Variants in KIAA0232 observed in about 807,000 individuals in gnomAD.
KIAA0232 encodes the protein KIAA0232.
Under a neutral mutation model 122.0 loss-of-function variants are expected in KIAA0232, and 27 were observed. The ratio of observed to expected loss-of-function variants is 0.22; its 90% CI spans 0.16 to 0.31. KIAA0232 has a LOEUF of 0.31. Among genes scored for constraint, KIAA0232 ranks in the 10% least tolerant of loss-of-function variants. The pLI, the probability that KIAA0232 is intolerant of heterozygous loss-of-function variation, is 1.00. For missense variants in KIAA0232, 1,551 were observed against 1,634.2 expected (o/e 0.95, Z 0.88); for synonymous variants, 613 against 587.6 (o/e 1.04, Z -0.63).
At chr4:6,793,359 C>G (rs1214382992) in intron 1 of KIAA0232, among the ~76,000 whole-genome samples, 1 of 152,122 alleles carries the variant, frequency 6.6e-6, no homozygotes, top group Non-Finnish European at 1.5e-5. Flanking sequence ...TACAGACTTT[C>G]AGAACATAGA....
At chr4:6,834,928 C>G (rs1225329756) in intron 3 of KIAA0232, among the ~76,000 whole-genome samples, 1 of 152,084 alleles carries the variant, frequency 6.6e-6, no homozygotes, top group Non-Finnish European at 1.5e-5. Context: ...GCCCAAGAAA[C>G]TGCCCCAAAA....
At position 6,824,536 on chromosome 4, in the gene KIAA0232, C is replaced by T; in HGVS notation, c.83C>T (p.Ser28Phe). Residue 28 changes from serine to phenylalanine, a missense_variant, in exon 3 of 10, where the codon TCT becomes TTT. Transcript: ENST00000307659. ...TCTTATCCAGGCCCTGTGTCTGTTT[C>T]TGAAATGTCTCTGCTTCATGCTTTG... is the stretch of plus-strand genomic sequence containing the variant. ...SSSYPGPVSV[S>F]EMSLLHALGP... 6.2e-7 allele frequency: 1 copy of T among 1,614,226 alleles called. No individual in the cohort carries two copies. Among genetic ancestry groups the T allele is most frequent in the Non-Finnish European group, 8.5e-7 (1 of 1,180,036 alleles).
At chr4:6,826,174 A>G (rs1370015046) in intron 3 of KIAA0232, among the ~76,000 whole-genome samples, 2 of 152,152 alleles carry the variant, frequency 1.3e-5, no homozygotes, top group Non-Finnish European at 2.9e-5. Flanking sequence ...GGGGTTTCTC[A>G]TCATGTCTAG....
chr4:6,809,996 C>T (rs1717803961), intron 2 of KIAA0232, among the ~76,000 whole-genome samples: 1 of 152,016 alleles, frequency 6.6e-6, no homozygotes, highest in Non-Finnish European at 1.5e-5. Context: ...TTAAAGTGAC[C>T]GTACTATCCA....
At chr4:6,789,654 C>G (rs1716800895) in intron 1 of KIAA0232, among the ~76,000 whole-genome samples, 1 of 152,142 alleles carries the variant, frequency 6.6e-6, no homozygotes, top group Non-Finnish European at 1.5e-5. Flanking sequence ...TAAACAGATT[C>G]ATGATGGTGG....
intron 1 of KIAA0232, among the ~76,000 whole-genome samples, chr4:6,797,424 G>A (rs1190248916): frequency 6.6e-6 from 1 of 152,154 alleles, no homozygotes; most frequent in Admixed American, 6.6e-5. Flanking sequence ...ACTTTAAGAA[G>A]GATATGATAT....
At position 6,821,253 on chromosome 4, in the gene KIAA0232, G is replaced by A. The variant is rs572375189; in HGVS notation, c.-269-2932G>A. ...ATTTTTTATTTCCATAGGTTTTTGG[G>A]GAACAGGTGATAGTTACATGAGTAA... On this transcript the variant is annotated intron_variant, in intron 2 of 9. Coordinates refer to ENST00000307659, the MANE Select transcript of KIAA0232 (RefSeq NM_014743.3). 1.1e-4 allele frequency among the ~76,000 whole-genome samples: 17 copies of A among 151,884 alleles called. No individual in the cohort carries two copies. In the South Asian group the frequency reaches 3.5e-3, roughly 32 times the overall value.
chr4:6,862,806 A>C lies in KIAA0232; in HGVS notation c.2424A>C (p.Thr808=), dbSNP rs267600214. 4 of 1,614,196 alleles carry C rather than the reference A, an allele frequency of 2.5e-6. 1 individual carries two copies. Among genetic ancestry groups the C allele is most frequent in the Non-Finnish European group, 3.4e-6 (4 of 1,180,038 alleles). Residue 808 remains threonine (T), a synonymous_variant, in exon 7 of 10, where the codon ACA becomes ACC. Coordinates refer to ENST00000307659, the MANE Select transcript of KIAA0232 (RefSeq NM_014743.3). ...CAGAAAACAAAAATTTTGAAACTAC[A>C]CAAGTATGTAATGAAAGTCCACATG... is the stretch of plus-strand genomic sequence containing the variant. ...QKTENKNFET[T]QVCNESPHGD... is the part of the protein sequence containing the mutation.
At chr4:6,864,291 T>C (rs1368204044) in intron 7 of KIAA0232, 108 bp downstream of exon 7, 1 of 1,204,198 alleles carries the variant, frequency 8.3e-7, no homozygotes, top group Non-Finnish European at 1.2e-6. Context: ...GGAAATTAGC[T>C]TAAATGTCTT....
chr4:6,860,933 A>C lies in KIAA0232; in HGVS notation c.551A>C (p.Lys184Thr). The stretch of plus-strand genomic sequence containing the variant: ...GAAGCATTTCCACCACTTTCTGAGA[A>C]ACCAGTTTGCCTGCAAGAAATCATG... ...YYEAFPPLSE[K>T]PVCLQEIMTV... Residue 184 changes from lysine to threonine, a missense_variant, in exon 7 of 10, where the codon AAA becomes ACA. This residue lies in a region of KIAA0232 where 377 missense variants were observed against 381.7 expected (regional missense o/e 0.99). Transcript: ENST00000307659. 4 of 1,613,978 alleles carry C rather than the reference A, an allele frequency of 2.5e-6. No individual in the cohort carries two copies. Among genetic ancestry groups the C allele is most frequent in the Non-Finnish European group, 2.5e-6 (3 of 1,179,936 alleles).
At chr4:6,808,826 GTAGT>G (rs1717751431) in intron 2 of KIAA0232, among the ~76,000 whole-genome samples, 1 of 152,188 alleles carries the variant, frequency 6.6e-6, no homozygotes, top group Non-Finnish European at 1.5e-5. Context: ...GATTTGGGAA[GTAGT>G]TAGTTCAGCA....
chr4:6,819,249 G>A (rs1164825028), intron 2 of KIAA0232, among the ~76,000 whole-genome samples: 2 of 152,134 alleles, frequency 1.3e-5, no homozygotes, highest in East Asian at 1.9e-4. Flanking sequence ...AAGAGCTTAT[G>A]TACAGCAAAA....
intron 8 of KIAA0232, among the ~76,000 whole-genome samples, chr4:6,874,990 C>T (rs1467278957): frequency 6.6e-6 from 1 of 152,170 alleles, no homozygotes; most frequent in Admixed American, 6.5e-5. Flanking sequence ...CTATCCTTGT[C>T]AAGGAAACCA....
intron 3 of KIAA0232, among the ~76,000 whole-genome samples, chr4:6,826,563 G>A (rs2109045207): frequency 6.8e-6 from 1 of 147,272 alleles, no homozygotes; most frequent in East Asian, 2.0e-4. Context: ...GGAGTGCAGT[G>A]GCGTGATCAT....
intron 7 of KIAA0232, among the ~76,000 whole-genome samples, chr4:6,870,574 G>A (rs969794438): frequency 1.3e-5 from 2 of 151,980 alleles, no homozygotes; most frequent in African/African-American, 2.4e-5. Context: ...AGGCCAAGGC[G>A]GGCAGATCAC....
At chr4:6,856,017 C>A in intron 4 of KIAA0232, 1 of 186,526 alleles carries the variant, frequency 5.4e-6, no homozygotes, top group East Asian at 1.9e-4. Flanking sequence ...GCCTATTTTT[C>A]TATCTTCCTA....
chr4:6,794,085 G>A (rs189961456), intron 1 of KIAA0232, among the ~76,000 whole-genome samples: 2 of 152,322 alleles, frequency 1.3e-5, no homozygotes, highest in Admixed American at 1.3e-4. Context: ...AGGGTAAGGC[G>A]AGAGGAAGCA....
At chr4:6,860,862 T>C (rs757065314) in intron 6 of KIAA0232, 39 bp from the exon 7 acceptor site, 3 of 1,556,804 alleles carry the variant, frequency 1.9e-6, no homozygotes, top group Non-Finnish European at 2.6e-6. Flanking sequence ...CTAAAAAATC[T>C]GCATACTCGT....
chr4:6,857,278 A>G, intron 5 of KIAA0232, 48 bp downstream of exon 5: 1 of 1,488,378 alleles, frequency 6.7e-7, no homozygotes, highest in Non-Finnish European at 9.2e-7. Flanking sequence ...TACATCCCTG[A>G]GGAATCTGGA....
Sources: allele counts gnomAD v4.1 joint callset (sites outside exome capture counted in the v4.1 genomes callset), GRCh38; gene constraint gnomAD v4.1.1; regional missense constraint gnomAD v4.1.1; transcripts MANE v1.5; gene names NCBI Gene and HGNC (gene_info 2026-07-23, HGNC 2026-07-21).